FHIP1A: variants seen among roughly 807,000 people sequenced by gnomAD.
FHIP1A encodes the protein FHF complex subunit HOOK interacting protein 1A, also known as FHF complex subunit HOOK-interacting protein 1A.
In FHIP1A, 61 loss-of-function variants were observed where a neutral mutation model predicts 88.6. That is an observed-to-expected ratio of 0.69 (90% confidence interval 0.56 to 0.85). The LOEUF (loss-of-function observed/expected upper bound fraction) is 0.85. FHIP1A is among the 40% of genes least tolerant of loss of function. FHIP1A has a pLI of 0.00. For missense variants in FHIP1A, 1,154 were observed against 1,273.5 expected (o/e 0.91, Z 1.43); for synonymous variants, 478 against 496.0 (o/e 0.96, Z 0.48).
rs965263177 is a variant in FHIP1A, at chr4:151,665,210, C to A, written c.*2456C>A. Among the ~76,000 whole-genome samples the A allele has an allele frequency of 1.3e-5, 2 of 152,152 alleles. No individual in the cohort carries two copies. The highest frequency in any genetic ancestry group is 4.8e-5 in the African/African-American group (2 of 41,424). On this transcript the variant is annotated 3_prime_UTR_variant, in exon 14 of 14. Coordinates refer to ENST00000435205, the MANE Select transcript of FHIP1A (RefSeq NM_001109977.3). ...CAGGCTGGTCTTAAAGTCCTGGGCTCAAGTGATCGTCCCGCCTTGGCCTCC... is the reference window on the plus strand; with the variant it reads ...CAGGCTGGTCTTAAAGTCCTGGGCTAAAGTGATCGTCCCGCCTTGGCCTCC...
intron 1 of FHIP1A, among the ~76,000 whole-genome samples, chr4:151,439,955 A>G (rs1166371769): frequency 1.3e-5 from 2 of 152,196 alleles, no homozygotes; most frequent in Non-Finnish European, 2.9e-5. Flanking sequence ...ATGTAAGTGT[A>G]TTAGTCCGTT....
chr4:151,565,444 T>C (rs1733350149), intron 3 of FHIP1A, among the ~76,000 whole-genome samples: 1 of 152,216 alleles, frequency 6.6e-6, no homozygotes, highest in Non-Finnish European at 1.5e-5. Flanking sequence ...TTGTTTTTGA[T>C]GGATCATTTC....
chr4:151,448,190 A>T (rs958211441), intron 1 of FHIP1A, among the ~76,000 whole-genome samples: 4 of 151,932 alleles, frequency 2.6e-5, no homozygotes, highest in African/African-American at 7.3e-5. Context: ...AAGTGCTGGG[A>T]TTACAGGTGT....
intron 3 of FHIP1A, among the ~76,000 whole-genome samples, chr4:151,500,254 A>G (rs1580637718): frequency 6.6e-6 from 1 of 152,126 alleles, no homozygotes; most frequent in Non-Finnish European, 1.5e-5. Context: ...AGGGGACTTT[A>G]TGGCCACTCT....
At chr4:151,517,690 G>A (rs1176530225) in intron 3 of FHIP1A, among the ~76,000 whole-genome samples, 1 of 152,018 alleles carries the variant, frequency 6.6e-6, no homozygotes, top group Non-Finnish European at 1.5e-5. Flanking sequence ...TAATGGACCT[G>A]AAAAATTGCT....
At chr4:151,487,470 A>C (rs1478167674) in intron 3 of FHIP1A, among the ~76,000 whole-genome samples, 1 of 150,808 alleles carries the variant, frequency 6.6e-6, no homozygotes, top group African/African-American at 2.4e-5. Flanking sequence ...CCACTTTATA[A>C]AGTAGCATCC....
At position 151,411,343 on chromosome 4, in the gene FHIP1A, A is replaced by ATTCTTT. The variant is rs370374898; in HGVS notation, c.-356+1879_-356+1880insTCTTTT. On this transcript the variant is annotated intron_variant, in intron 1 of 13. Coordinates refer to ENST00000435205, the MANE Select transcript of FHIP1A (RefSeq NM_001109977.3). ...AATTGCCTCTGAGGAGTGAAATTAT[A>ATTCTTT]TATATATTTTTTTTTTTTTAAAGTT... Among the ~76,000 whole-genome samples the ATTCTTT allele has an allele frequency of 1.6e-3, 178 of 112,236 alleles. 10 individuals are homozygous for ATTCTTT. Among genetic ancestry groups the ATTCTTT allele is most frequent in the Non-Finnish European group, 2.3e-3 (132 of 56,644 alleles). 73.6% of individuals were successfully genotyped at this position (112,236 alleles called of 152,430 possible).
intron 7 of FHIP1A, among the ~76,000 whole-genome samples, chr4:151,628,487 G>A (rs550087691): frequency 3.3e-5 from 5 of 152,106 alleles, no homozygotes; most frequent in Non-Finnish European, 5.9e-5. Context: ...CTAATCTGTG[G>A]ATTTTAAAAG....
At position 151,649,660 on chromosome 4, in the gene FHIP1A, C is replaced by CGGA. The variant is rs1253437702; in HGVS notation, c.1625_1627dup (p.Glu542dup). ...CCTGAGATGTTTCTCCAGAGTCTGA[C>CGGA]GGAGGAGGGCAGTGTGAGCTCGGCC... is the stretch of plus-strand genomic sequence containing the variant. On this transcript the variant is annotated inframe_insertion, in exon 11 of 14. Transcript: ENST00000435205. 4 of 1,551,454 alleles carry CGGA rather than the reference C, an allele frequency of 2.6e-6. No individual in the cohort carries two copies. In the African/African-American group the frequency reaches 5.5e-5, roughly 21 times the overall value.
At chr4:151,526,491 C>T (rs1731650680) in intron 3 of FHIP1A, among the ~76,000 whole-genome samples, 1 of 148,808 alleles carries the variant, frequency 6.7e-6, no homozygotes, top group African/African-American at 2.5e-5. Context: ...GGGGGCTGAC[C>T]CCCCCACCTC....
chr4:151,526,110 A>T (rs1296908368), intron 3 of FHIP1A, among the ~76,000 whole-genome samples: 1 of 152,228 alleles, frequency 6.6e-6, no homozygotes, highest in African/African-American at 2.4e-5. Context: ...AAGGCAGAAG[A>T]ATTTTTCATA....
rs1737788603 is a variant in FHIP1A at position 151,669,650 on chromosome 4, A to C, written c.*6896A>C. The C allele has an allele frequency of 6.6e-6, 1 of 152,166 alleles. No individual in the cohort carries two copies. The highest frequency in any genetic ancestry group is 1.5e-5 in the Non-Finnish European group (1 of 68,032). The allele number at this position is 152,166 out of a possible 1,614,324, so 9.4% of individuals were successfully genotyped here. A position where few individuals can be genotyped will look rare whatever the true frequency, so the allele number is the denominator to read the frequency against. Reference sequence around the variant, plus strand: ...GCTTCAGCCTTACTGTCTTGTAGAGAGATTTGGTGAAAATCATGTTACTTT... The same window carrying C: ...GCTTCAGCCTTACTGTCTTGTAGAGCGATTTGGTGAAAATCATGTTACTTT... On this transcript the variant is annotated 3_prime_UTR_variant, in exon 14 of 14. Coordinates refer to ENST00000435205, the MANE Select transcript of FHIP1A (RefSeq NM_001109977.3).
Position 151,517,015 on chromosome 4 carries a change from C to T in FHIP1A, c.-123+34367C>T, listed in dbSNP as rs540261574. Among the ~76,000 whole-genome samples, 31 of 152,172 alleles carry T rather than the reference C, an allele frequency of 2.0e-4. No individual in the cohort carries two copies. The South Asian group carries it at 2.7e-3, about 13-fold the overall frequency. On this transcript the variant is annotated intron_variant, in intron 3 of 13. Transcript: ENST00000435205. ...GACACATGCACACGTATGTTTATTG[C>T]GGCACTATTCTCAATAGCAAAGACT...
At chr4:151,473,184 T>C (rs1729585879) in intron 2 of FHIP1A, among the ~76,000 whole-genome samples, 1 of 152,150 alleles carries the variant, frequency 6.6e-6, no homozygotes, top group Non-Finnish European at 1.5e-5. Flanking sequence ...AGCTGGATAA[T>C]GTTCATAAAG....
chr4:151,526,688 G>C (rs1259771650), intron 3 of FHIP1A, among the ~76,000 whole-genome samples: 1 of 151,896 alleles, frequency 6.6e-6, no homozygotes, highest in African/African-American at 2.4e-5. Flanking sequence ...CCTCCCGGAC[G>C]AGGTGGCTGC....
chr4:151,508,550 C>T (rs1580646978), intron 3 of FHIP1A, among the ~76,000 whole-genome samples: 1 of 152,188 alleles, frequency 6.6e-6, no homozygotes, highest in African/African-American at 2.4e-5. Context: ...CTTCTTCTCG[C>T]CCTGTAGGTG....
At chr4:151,552,773 A>AT (rs1732794029) in intron 3 of FHIP1A, among the ~76,000 whole-genome samples, 1 of 151,842 alleles carries the variant, frequency 6.6e-6, no homozygotes, top group Non-Finnish European at 1.5e-5. Flanking sequence ...ATGTATACAT[A>AT]TGTAACAAAC....
At chr4:151,436,631 T>G (rs1182291960) in intron 1 of FHIP1A, 1 of 152,212 alleles carries the variant, frequency 6.6e-6, no homozygotes, top group Non-Finnish European at 1.5e-5. Flanking sequence ...GTTTTAAACT[T>G]GACAAAGTGT....
intron 1 of FHIP1A, among the ~76,000 whole-genome samples, chr4:151,432,573 G>C (rs1733633116): frequency 6.6e-6 from 1 of 152,224 alleles, no homozygotes; most frequent in South Asian, 2.1e-4. Flanking sequence ...GGCTGTATTA[G>C]ATTGCAAAAA....
Sources: gnomAD v4.1 joint callset for allele counts (sites outside exome capture counted in the v4.1 genomes callset) on GRCh38, gnomAD v4.1.1 for gene constraint, MANE v1.5 for transcripts, NCBI Gene and HGNC (gene_info 2026-07-23, HGNC 2026-07-21) for gene names.